CDH6: variants seen among roughly 807,000 people sequenced by gnomAD.
CDH6 encodes cadherin 6.
Under a neutral mutation model 78.0 loss-of-function variants are expected in CDH6, and 31 were observed. The observed-to-expected ratio is 0.40, with a 90% confidence interval of 0.30 to 0.54. CDH6 has a LOEUF of 0.54. Ranked by LOEUF, CDH6 falls within the 20% of genes least tolerant of loss-of-function variation. CDH6 has a pLI of 0.56. For synonymous variants in CDH6, 376 were observed against 368.8 expected (o/e 1.02, Z -0.23); for missense variants, 724 against 975.9 (o/e 0.74, Z 3.44).
chr5:31,257,159 ATGTTTGTT>A (rs200009608), intron 1 of CDH6, among the ~76,000 whole-genome samples: 3 of 151,986 alleles, frequency 2.0e-5, no homozygotes, highest in African/African-American at 7.2e-5. Flanking sequence ...AAGTATTCGC[ATGTTTGTT>A]TGTTTGTTTG....
chr5:31,299,935 C>T (rs1737715348), intron 5 of CDH6, among the ~76,000 whole-genome samples: 1 of 152,208 alleles, frequency 6.6e-6, no homozygotes, highest in Admixed American at 6.5e-5. Context: ...CATATGTATA[C>T]AAGCATGCTG....
chr5:31,302,903 A>AAAGAAAGAAAG (rs1554010012), intron 6 of CDH6, among the ~76,000 whole-genome samples: 10 of 90,456 alleles, frequency 1.1e-4, no homozygotes, highest in South Asian at 4.2e-4. Context: ...AAGAAAGAAA[A>AAAGAAAGAAAG]AAAGAAAGAA....
At chr5:31,279,513 G>A (rs918973580) in intron 2 of CDH6, among the ~76,000 whole-genome samples, 4 of 152,158 alleles carry the variant, frequency 2.6e-5, no homozygotes, top group African/African-American at 9.7e-5. Context: ...CAAGACTGCA[G>A]TGAGCAAGAT....
In CDH6 at chr5:31,267,490, A is replaced by T; in HGVS notation, c.17A>T (p.Tyr6Phe). 1 of 1,613,872 alleles carries T rather than the reference A, an allele frequency of 6.2e-7. No homozygotes were observed. The highest frequency in any genetic ancestry group is 8.5e-7 in the Non-Finnish European group (1 of 1,179,854). The change falls in exon 2 of 12, where the codon TAC (tyrosine) becomes TTC (phenylalanine). Residue 6 changes from tyrosine (Y) to phenylalanine (F), a missense_variant. Physicochemically the swap from Tyr to Phe is conservative, Grantham distance 22. Coordinates refer to ENST00000265071, the MANE Select transcript of CDH6 (RefSeq NM_004932.4). MRTYRYFLLLFWVGQP... is the reference protein window; with the variant it reads MRTYRFFLLLFWVGQP... ...GCCATCAGCATGAGAACTTACCGCT[A>T]CTTCTTGCTGCTCTTTTGGGTGGGC...
Position 31,316,305 on chromosome 5 carries a change from C to A in CDH6, c.1488C>A (p.Val496=), listed in dbSNP as rs1358265714. Residue 496 remains valine, a synonymous_variant, in exon 9 of 12, where the codon GTC becomes GTA. Coordinates refer to ENST00000265071, the MANE Select transcript of CDH6 (RefSeq NM_004932.4). ...TTGCTGAGTTCTATGAAACTTTTGT[C>A]TGTGAAAAAGCAAAGGCAGATCAGG... The part of the protein sequence containing the change: ...PEFAEFYETF[V]CEKAKADQLI... 1.2e-5 allele frequency: 20 copies of A among 1,612,890 alleles called. No homozygotes were observed. The highest frequency in any genetic ancestry group is 1.6e-5 in the Non-Finnish European group (19 of 1,179,492).
At chr5:31,235,408 A>C (rs535625089) in intron 1 of CDH6, among the ~76,000 whole-genome samples, 5 of 151,910 alleles carry the variant, frequency 3.3e-5, no homozygotes, top group African/African-American at 9.7e-5. Flanking sequence ...TTTCATTTCA[A>C]ACTCGACAGT....
intron 1 of CDH6, among the ~76,000 whole-genome samples, chr5:31,256,300 A>G (rs989950289): frequency 1.3e-5 from 2 of 152,180 alleles, no homozygotes; most frequent in African/African-American, 4.8e-5. Context: ...TTTTTTAATT[A>G]GTGGGGATTA....
intron 1 of CDH6, among the ~76,000 whole-genome samples, chr5:31,256,476 G>A (rs1024988548): frequency 6.6e-6 from 1 of 152,176 alleles, no homozygotes; most frequent in Non-Finnish European, 1.5e-5. Flanking sequence ...GCAAAATAAA[G>A]TGTAACTCCG....
intron 1 of CDH6, among the ~76,000 whole-genome samples, chr5:31,220,494 T>C (rs1740977052): frequency 6.6e-6 from 1 of 152,176 alleles, no homozygotes; most frequent in African/African-American, 2.4e-5. Flanking sequence ...TTCATTTCAT[T>C]ATGAGGCATT....
At chr5:31,300,661 G>A (rs960670906) in intron 5 of CDH6, among the ~76,000 whole-genome samples, 16 of 152,274 alleles carry the variant, frequency 1.1e-4, no homozygotes, top group African/African-American at 3.9e-4. Context: ...ATTCCCTGGG[G>A]AAGAATAACA....
chr5:31,268,936 G>A (rs927516898), intron 2 of CDH6, among the ~76,000 whole-genome samples: 4 of 152,168 alleles, frequency 2.6e-5, no homozygotes, highest in Admixed American at 2.6e-4. Flanking sequence ...CAGTGAAGGG[G>A]TGAACGTCAA....
chr5:31,324,666 T>C lies in CDH6; in HGVS notation c.*1358T>C, dbSNP rs1738577373. ...TGACTTTGAACTAATGATAAAGTAA[T>C]GATCTCAAACTATGACAGAAAAGTA... On this transcript the variant is annotated 3_prime_UTR_variant, in exon 12 of 12. Transcript: ENST00000265071. 4.7e-6 allele frequency: 1 copy of C among 210,782 alleles called. No individual in the cohort carries two copies. The highest frequency in any genetic ancestry group is 5.9e-5 in the Admixed American group (1 of 17,022). 13.1% of individuals were successfully genotyped at this position (210,782 alleles called of 1,614,324 possible). A position where few individuals can be genotyped will look rare whatever the true frequency, so the allele number is the denominator to read the frequency against.
chr5:31,304,416 G>A (rs1035020767), intron 6 of CDH6, among the ~76,000 whole-genome samples: 4 of 152,266 alleles, frequency 2.6e-5, no homozygotes, highest in South Asian at 2.1e-4. Context: ...GCCAGGCACC[G>A]TGGCTCACGC....
chr5:31,299,690 A>G (rs1335091635), intron 5 of CDH6, 59 bp downstream of exon 5: 2 of 1,438,200 alleles, frequency 1.4e-6, no homozygotes, highest in African/African-American at 2.8e-5. Context: ...TCGAACTTTA[A>G]GAATTTTTAT....
At chr5:31,200,770 C>T (rs922840036) in intron 1 of CDH6, among the ~76,000 whole-genome samples, 2 of 151,898 alleles carry the variant, frequency 1.3e-5, no homozygotes, top group African/African-American at 2.4e-5. Flanking sequence ...AATACAGTCA[C>T]GTTTTATATG....
At chr5:31,224,826 AAG>A (rs1355965273) in intron 1 of CDH6, among the ~76,000 whole-genome samples, 2 of 152,170 alleles carry the variant, frequency 1.3e-5, no homozygotes, top group African/African-American at 4.8e-5. Flanking sequence ...GTACACACAT[AAG>A]TCACTGCACC....
chr5:31,247,169 A>T (rs1223140313), intron 1 of CDH6, among the ~76,000 whole-genome samples: 4 of 152,212 alleles, frequency 2.6e-5, no homozygotes, highest in African/African-American at 9.7e-5. Context: ...ATCAAAAGTT[A>T]TCGATGATCA....
chr5:31,302,064 AGT>A, intron 5 of CDH6, 45 bp from the exon 6 acceptor site: 1 of 1,298,754 alleles, frequency 7.7e-7, no homozygotes, highest in Non-Finnish European at 1.1e-6. Flanking sequence ...TGATGATAAG[AGT>A]GTGGTTAGTC....
chr5:31,302,037 AATAGGTTTTGTTTTTATGATG>A, intron 5 of CDH6, 53 bp from the exon 6 acceptor site: 1 of 965,124 alleles, frequency 1.0e-6, no homozygotes, highest in Non-Finnish European at 1.5e-6. Flanking sequence ...ACTGTTAGAG[AATAGGTTTTGTTTTTATGATG>A]ATAAGAGTGT....
Sources: gnomAD v4.1 joint callset for allele counts (sites outside exome capture counted in the v4.1 genomes callset) on GRCh38, gnomAD v4.1.1 for gene constraint, MANE v1.5 for transcripts, NCBI Gene and HGNC (gene_info 2026-07-23, HGNC 2026-07-21) for gene names.